Variants in RALYL observed in about 807,000 individuals in gnomAD.
The protein encoded by RALYL is RALY RNA binding protein like.
Under a neutral mutation model 35.1 loss-of-function variants are expected in RALYL, and 29 were observed. That is an observed-to-expected ratio of 0.83 (90% CI 0.61 to 1.13). The LOEUF (loss-of-function observed/expected upper bound fraction) is 1.13, where lower values mean the gene tolerates loss of function less well. Among genes scored for constraint, RALYL ranks in the 50% most tolerant of loss-of-function variants. The probability of loss-of-function intolerance (pLI) is 0.00; values close to 1 mark genes in which losing one functional copy is unlikely to be tolerated. For missense variants in RALYL, 359 were observed against 360.4 expected (o/e 1.00, Z 0.03); for synonymous variants, 120 against 127.6 (o/e 0.94, Z 0.40).
chr8:84,508,185 C>G (rs949787405), intron 1 of RALYL, among the ~76,000 whole-genome samples: 1 of 151,824 alleles, frequency 6.6e-6, no homozygotes, highest in Non-Finnish European at 1.5e-5. Flanking sequence ...ATGTGTTGTT[C>G]AAGTTCACAT....
intron 3 of RALYL, among the ~76,000 whole-genome samples, chr8:84,775,684 G>A (rs1052313133): frequency 3.9e-5 from 6 of 152,284 alleles, no homozygotes; most frequent in Non-Finnish European, 7.4e-5. Context: ...GAGAATCCAG[G>A]TGAAGAGATT....
In RALYL at chr8:84,862,555, G is replaced by A. The variant is rs935848693; in HGVS notation, c.571+102G>A. 5.0e-5 allele frequency: 44 copies of A among 888,468 alleles called. No individual in the cohort carries two copies. In the African/African-American group the frequency reaches 6.8e-4, roughly 14 times the overall value. 55.0% of individuals were successfully genotyped at this position (888,468 alleles called of 1,614,324 possible). Reference sequence around the variant, plus strand: ...ATAAATTAACCAGATAGTTATGAAGGACCTGCTATGTATAAAGTGTTAGAA... The same window carrying A: ...ATAAATTAACCAGATAGTTATGAAGAACCTGCTATGTATAAAGTGTTAGAA... On this transcript the variant is annotated intron_variant, in intron 6 of 8. Transcript: ENST00000521268.
intron 1 of RALYL, among the ~76,000 whole-genome samples, chr8:84,439,007 A>G (rs2048045026): frequency 6.6e-6 from 1 of 151,974 alleles, no homozygotes; most frequent in Non-Finnish European, 1.5e-5. Context: ...TATAGTTTGA[A>G]TTCCATTAAT....
intron 1 of RALYL, among the ~76,000 whole-genome samples, chr8:84,425,052 C>T (rs530100134): frequency 6.6e-6 from 1 of 152,192 alleles, no homozygotes. Flanking sequence ...GGCAGGCAGA[C>T]CTCCTTGAGC....
At chr8:84,334,626 G>A (rs918477883) in intron 1 of RALYL, among the ~76,000 whole-genome samples, 2 of 151,868 alleles carry the variant, frequency 1.3e-5, no homozygotes, top group Non-Finnish European at 2.9e-5. Context: ...TTAACCTACA[G>A]TGTTTATATA....
intron 1 of RALYL, among the ~76,000 whole-genome samples, chr8:84,439,963 G>T (rs1428050203): frequency 1.3e-5 from 2 of 152,094 alleles, no homozygotes; most frequent in Non-Finnish European, 2.9e-5. Flanking sequence ...AATGATATGT[G>T]CAGTTATAAT....
intron 2 of RALYL, among the ~76,000 whole-genome samples, chr8:84,696,674 G>A (rs1839213475): frequency 6.8e-6 from 1 of 147,772 alleles, no homozygotes; most frequent in East Asian, 1.9e-4. Context: ...TAAAATGTGA[G>A]ACTCTTTTTT....
rs1349168499 is a variant in RALYL, at chr8:84,237,792, C to T, written c.-24+53368C>T. Among the ~76,000 whole-genome samples, 5 of 151,970 alleles carry T rather than the reference C, an allele frequency of 3.3e-5. No individual in the cohort carries two copies. The East Asian group carries it at 7.8e-4, about 24-fold the overall frequency. On this transcript the variant is annotated intron_variant, in intron 1 of 8. Coordinates refer to ENST00000521268, the MANE Select transcript of RALYL (RefSeq NM_173848.7). ...CAGAAGAAATATTATTAAGCATTTG[C>T]ATATGTGAAAGAACATTTCAGATTG... is the stretch of plus-strand genomic sequence containing the variant.
At chr8:84,846,047 T>C (rs1195553305) in intron 4 of RALYL, among the ~76,000 whole-genome samples, 1 of 152,182 alleles carries the variant, frequency 6.6e-6, no homozygotes, top group Non-Finnish European at 1.5e-5. Flanking sequence ...AGCCTTGTAG[T>C]ATAGTTTGAA....
chr8:84,670,409 C>T (rs1832976303), intron 2 of RALYL, among the ~76,000 whole-genome samples: 3 of 151,970 alleles, frequency 2.0e-5, no homozygotes, highest in Admixed American at 2.0e-4. Context: ...ATCTGATCTC[C>T]CCCAAACAAA....
At chr8:84,666,542 A>C (rs2131739020) in intron 2 of RALYL, among the ~76,000 whole-genome samples, 1 of 152,220 alleles carries the variant, frequency 6.6e-6, no homozygotes, top group South Asian at 2.1e-4. Flanking sequence ...CATTTGTGCC[A>C]ACTGAGGAGT....
intron 1 of RALYL, among the ~76,000 whole-genome samples, chr8:84,345,546 A>T (rs1238297087): frequency 6.6e-6 from 1 of 152,032 alleles, no homozygotes; most frequent in Non-Finnish European, 1.5e-5. Context: ...TAGTTAATGG[A>T]TTTAATTCAA....
chr8:84,468,176 T>C (rs2052029039), intron 1 of RALYL, among the ~76,000 whole-genome samples: 1 of 152,092 alleles, frequency 6.6e-6, no homozygotes, highest in Non-Finnish European at 1.5e-5. Context: ...GTGAATTTGA[T>C]CCTGTCATTA....
At chr8:84,340,128 G>A (rs1848536353) in intron 1 of RALYL, among the ~76,000 whole-genome samples, 1 of 152,056 alleles carries the variant, frequency 6.6e-6, no homozygotes, top group African/African-American at 2.4e-5. Flanking sequence ...CACCGTGATT[G>A]TGAGACCTCC....
intron 1 of RALYL, among the ~76,000 whole-genome samples, chr8:84,198,208 G>A (rs1192009744): frequency 1.3e-5 from 2 of 152,130 alleles, no homozygotes; most frequent in African/African-American, 4.8e-5. Flanking sequence ...GAGAAAGGAC[G>A]TAACTGCTAA....
intron 2 of RALYL, among the ~76,000 whole-genome samples, chr8:84,714,310 A>G (rs927308786): frequency 6.6e-6 from 1 of 151,886 alleles, no homozygotes; most frequent in African/African-American, 2.4e-5. Flanking sequence ...TAGTTATAAA[A>G]GCAATACGTT....
intron 1 of RALYL, among the ~76,000 whole-genome samples, chr8:84,253,885 A>G (rs549420075): frequency 6.6e-6 from 1 of 152,254 alleles, no homozygotes; most frequent in South Asian, 2.1e-4. Context: ...TTATTCCAAC[A>G]TGTGACATAC....
intron 2 of RALYL, among the ~76,000 whole-genome samples, chr8:84,545,512 A>G (rs144707668): frequency 6.6e-6 from 1 of 152,284 alleles, no homozygotes; most frequent in African/African-American, 2.4e-5. Context: ...TAAAGGGTTG[A>G]CAACTTTGTG....
intron 2 of RALYL, among the ~76,000 whole-genome samples, chr8:84,536,625 A>G (rs572703474): frequency 6.6e-6 from 1 of 152,330 alleles, no homozygotes; most frequent in African/African-American, 2.4e-5. Context: ...CTAAGTCATG[A>G]AAAATCTTGT....
Sources: allele counts gnomAD v4.1 joint callset (sites outside exome capture counted in the v4.1 genomes callset), GRCh38; gene constraint gnomAD v4.1.1; transcripts MANE v1.5; gene names NCBI Gene and HGNC (gene_info 2026-07-23, HGNC 2026-07-21).